Variants in TET3 observed in about 807,000 individuals in gnomAD.
TET3 encodes tet methylcytosine dioxygenase 3, also known as methylcytosine dioxygenase TET3.
Under a neutral mutation model 141.4 loss-of-function variants are expected in TET3, and 19 were observed. The ratio of observed to expected loss-of-function variants is 0.13; its 90% CI spans 0.09 to 0.20. The LOEUF (loss-of-function observed/expected upper bound fraction) is 0.20. Among genes scored for constraint, TET3 ranks in the 10% least tolerant of loss-of-function variants. TET3 has a pLI of 1.00. For synonymous variants in TET3, 1,043 were observed against 980.9 expected (o/e 1.06, Z -1.18); for missense variants, 1,874 against 2,356.9 (o/e 0.80, Z 4.24).
At chr2:73,995,992 G>C (rs1410568287) in intron 2 of TET3, among the ~76,000 whole-genome samples, 1 of 152,180 alleles carries the variant, frequency 6.6e-6, no homozygotes, top group East Asian at 1.9e-4. Context: ...GCGCCACCCA[G>C]AGGCTCTCTG....
the TET3 span, among the ~76,000 whole-genome samples, chr2:74,124,437 C>T: frequency 2.6e-5 from 4 of 152,162 alleles, no homozygotes; most frequent in Admixed American, 6.5e-5. Flanking sequence ...GGGAGGTGTA[C>T]CCAACAGCTC....
chr2:74,063,907 A>AT (rs1553428423), intron 4 of TET3, among the ~76,000 whole-genome samples: 3 of 151,668 alleles, frequency 2.0e-5, no homozygotes, highest in Admixed American at 6.6e-5. Flanking sequence ...AAAAAAAAAA[A>AT]AATAAGTAAA....
chr2:74,040,601 G>A (rs1368273937), intron 3 of TET3, among the ~76,000 whole-genome samples: 1 of 152,110 alleles, frequency 6.6e-6, no homozygotes, highest in Non-Finnish European at 1.5e-5. Flanking sequence ...GAGGGTAGTT[G>A]AGAAGTCCAG....
At chr2:74,119,477 A>G in the TET3 span, among the ~76,000 whole-genome samples, 2 of 152,124 alleles carry the variant, frequency 1.3e-5, no homozygotes, top group Admixed American at 1.3e-4. Context: ...TATTAGAAAT[A>G]CTACCCAGAT....
Position 74,046,603 on chromosome 2 carries a change from G to A in TET3, c.686G>A (p.Ser229Asn). 6.2e-7 allele frequency: 1 copy of A among 1,614,076 alleles called. No homozygotes were observed. The highest frequency in any genetic ancestry group is 1.1e-5 in the South Asian group (1 of 91,092). ...RLYETFNREMSREAGNNSRGP... is the reference protein window; with the variant it reads ...RLYETFNREMNREAGNNSRGP... Reference sequence around the variant, plus strand: ...TATGAAACCTTCAACCGTGAGATGAGTCGTGAGGCTGGGAACAACAGCAGG... The same window carrying A: ...TATGAAACCTTCAACCGTGAGATGAATCGTGAGGCTGGGAACAACAGCAGG... Residue 229 changes from serine (S) to asparagine (N), a missense_variant, in exon 4 of 12, where the codon AGT (serine) becomes AAT (asparagine). Physicochemically the swap from Ser to Asn is conservative, Grantham distance 46 (BLOSUM62 1). Transcript: ENST00000409262. The surrounding 1 kb of genome is among the most constrained non-coding windows in gnomAD (Gnocchi z 4.3).
chr2:74,115,656 A>G, the TET3 span, among the ~76,000 whole-genome samples: 6 of 152,216 alleles, frequency 3.9e-5, no homozygotes, highest in Admixed American at 6.5e-5. Context: ...AGATGATTCA[A>G]TGGAACATGT....
intron 1 of TET3, among the ~76,000 whole-genome samples, chr2:73,985,593 G>C (rs1012117097): frequency 1.3e-5 from 2 of 151,052 alleles, no homozygotes; most frequent in Admixed American, 6.6e-5. Context: ...CGCCGGGGCA[G>C]TCCCGCCGAG....
intron 3 of TET3, among the ~76,000 whole-genome samples, chr2:74,015,659 G>A (rs1005928809): frequency 1.3e-5 from 2 of 151,776 alleles, no homozygotes; most frequent in East Asian, 1.9e-4. Flanking sequence ...TAATTTTTTT[G>A]CAATTATAAA....
chr2:74,100,176 C>G (rs1471667446), intron 11 of TET3, among the ~76,000 whole-genome samples: 1 of 152,114 alleles, frequency 6.6e-6, no homozygotes, highest in Admixed American at 6.5e-5. Context: ...TCGCCTCCTC[C>G]CACCCCCAGT....
chr2:74,099,460 G>A lies in TET3; in HGVS notation c.3452G>A (p.Arg1151His), dbSNP rs1431332962. 6 of 1,613,468 alleles carry A rather than the reference G, an allele frequency of 3.7e-6. No homozygotes were observed. The highest frequency in any genetic ancestry group is 3.4e-6 in the Non-Finnish European group (4 of 1,179,826). ...ACCGCCTTCCCCCGCGAGGTCCGAC[G>A]CCTGCCCGAGCCTGCCAAGTCCTGC... is the stretch of plus-strand genomic sequence containing the variant. The part of the protein sequence containing the change: ...VLTAFPREVR[R>H]LPEPAKSCRQ... Residue 1151 changes from arginine (R) to histidine (H), a missense_variant, in exon 11 of 12, where the codon CGC becomes CAC. Arg to His is a conservative substitution (Grantham distance 29). Coordinates refer to ENST00000409262, the MANE Select transcript of TET3 (RefSeq NM_001287491.2).
chr2:73,996,361 G>C (rs1385388485), intron 2 of TET3, among the ~76,000 whole-genome samples: 1 of 152,114 alleles, frequency 6.6e-6, no homozygotes, highest in Non-Finnish European at 1.5e-5. Context: ...CTATTTCTGG[G>C]AGGGCCCTTT....
At chr2:73,988,546 G>T (rs528704733) in intron 2 of TET3, among the ~76,000 whole-genome samples, 52 of 152,242 alleles carry the variant, frequency 3.4e-4, no homozygotes, top group African/African-American at 1.2e-3. Flanking sequence ...CCAGGCTGCC[G>T]GGTGGTCTTG....
chr2:74,022,274 G>T (rs563178286), intron 3 of TET3, among the ~76,000 whole-genome samples: 44 of 151,704 alleles, frequency 2.9e-4, no homozygotes, highest in African/African-American at 1.0e-3. Flanking sequence ...TTTTTTCTTT[G>T]TGAATATATT....
intron 2 of TET3, among the ~76,000 whole-genome samples, chr2:73,989,007 T>G (rs1280958030): frequency 1.3e-5 from 2 of 149,614 alleles, no homozygotes; most frequent in African/African-American, 2.5e-5. Context: ...TTGTTTTTTT[T>G]TTTTTTTGGT....
intron 4 of TET3, among the ~76,000 whole-genome samples, chr2:74,050,141 G>T (rs1687870378): frequency 6.6e-6 from 1 of 152,114 alleles, no homozygotes; most frequent in African/African-American, 2.4e-5. Context: ...TATTTTAATT[G>T]TTGAATTTAA....
chr2:74,047,343 T>C lies in TET3; in HGVS notation c.1426T>C (p.Ser476Pro). 6.2e-7 allele frequency: 1 copy of C among 1,613,826 alleles called. No individual in the cohort carries two copies. The highest frequency in any genetic ancestry group is 1.3e-5 in the African/African-American group (1 of 74,986). Residue 476 changes from serine to proline, a missense_variant, in exon 4 of 12, where the codon TCA (serine) becomes CCA (proline). Ser to Pro is a moderately conservative substitution (Grantham distance 74, BLOSUM62 -1). Transcript: ENST00000409262. ...LLGSASDYIQ[S>P]VFKRPEALPT... ...GGGCAGCGCCAGTGATTACATCCAG[T>C]CAGTATTCAAGCGGCCTGAGGCCCT...
Position 74,046,113 on chromosome 2 carries a change from A to G in TET3, c.361-165A>G, listed in dbSNP as rs6754218. Reference sequence around the variant, plus strand: ...TTTCTGCTGGTGAAGCTCCCTAGGGAACCAGAGACATGGGAAGATGAATTG... The same window carrying G: ...TTTCTGCTGGTGAAGCTCCCTAGGGGACCAGAGACATGGGAAGATGAATTG... On this transcript the variant is annotated intron_variant, in intron 3 of 11. Coordinates refer to ENST00000409262, the MANE Select transcript of TET3 (RefSeq NM_001287491.2). This position sits in a 1 kb window ranked among gnomAD's most constrained non-coding sequence, Gnocchi z 4.3. Among the ~76,000 whole-genome samples, 34,783 of 152,178 alleles carry G rather than the reference A, an allele frequency of 0.23. 4,313 individuals are homozygous for G. Among genetic ancestry groups the G allele is most frequent in the Non-Finnish European group, 0.28 (19,219 of 67,994 alleles).
chr2:74,077,786 G>A (rs187010326), intron 5 of TET3, among the ~76,000 whole-genome samples: 35 of 152,332 alleles, frequency 2.3e-4, no homozygotes, highest in Non-Finnish European at 3.8e-4. Context: ...ACCCTCCTGC[G>A]AGGAATGCGA....
intron 6 of TET3, 82 bp downstream of exon 6, chr2:74,080,673 G>C: frequency 1.2e-6 from 1 of 847,190 alleles, no homozygotes; most frequent in Non-Finnish European, 1.7e-6. Flanking sequence ...GGTTCCCCTT[G>C]CTGCATGTAG....
Sources: gnomAD v4.1 joint callset for allele counts (sites outside exome capture counted in the v4.1 genomes callset) on GRCh38, gnomAD v4.1.1 for gene constraint, Gnocchi (gnomAD v3.1) non-coding constraint, MANE v1.5 for transcripts, NCBI Gene and HGNC (gene_info 2026-07-23, HGNC 2026-07-21) for gene names.